PLEKHG1: variants seen among roughly 807,000 people sequenced by gnomAD.
PLEKHG1 encodes the protein pleckstrin homology domain-containing family G member 1.
PLEKHG1 carries 44 observed loss-of-function variants against 100.8 expected under a neutral mutation model. That is an observed-to-expected ratio of 0.44 (90% CI 0.34 to 0.56). The LOEUF (loss-of-function observed/expected upper bound fraction) is 0.56. PLEKHG1 is among the 20% of genes least tolerant of loss of function. PLEKHG1 has a pLI of 0.01. For synonymous variants in PLEKHG1, 640 were observed against 662.5 expected (o/e 0.97, Z 0.52); for missense variants, 1,545 against 1,720.9 (o/e 0.90, Z 1.81).
At chr6:150,728,582 TAAAAATA>T (rs1351266903) in intron 1 of PLEKHG1, among the ~76,000 whole-genome samples, 2 of 149,862 alleles carry the variant, frequency 1.3e-5, no homozygotes, top group Non-Finnish European at 3.0e-5. Context: ...TTTCAAAAAA[TAAAAATA>T]AGAATAAATT....
intron 3 of PLEKHG1, 116 bp from the exon 5 acceptor site, chr6:150,786,274 C>G: frequency 5.7e-6 from 4 of 696,096 alleles, no homozygotes; most frequent in East Asian, 5.5e-5. Flanking sequence ...CCTCAGTTAT[C>G]CAATTATATG....
intron 5 of PLEKHG1, among the ~76,000 whole-genome samples, chr6:150,797,776 A>T (rs1208263704): frequency 7.6e-6 from 1 of 131,284 alleles, no homozygotes; most frequent in Non-Finnish European, 1.6e-5. Flanking sequence ...CGGAGGTTGC[A>T]GTGAACTGAG....
intron 14 of PLEKHG1, chr6:150,828,197 T>G (rs1776721167): frequency 1.2e-6 from 2 of 1,613,804 alleles, no homozygotes; most frequent in South Asian, 2.2e-5. Flanking sequence ...AGGCTCAGTT[T>G]ATTGGTCCTC....
At chr6:150,769,899 T>C (rs1459606741) in intron 3 of PLEKHG1, among the ~76,000 whole-genome samples, 1 of 152,224 alleles carries the variant, frequency 6.6e-6, no homozygotes, top group Non-Finnish European at 1.5e-5. Context: ...TGCCTGTTGT[T>C]CCTTTCCTCT....
At chr6:150,739,064 G>T (rs1237779102) in intron 2 of PLEKHG1, among the ~76,000 whole-genome samples, 2 of 152,126 alleles carry the variant, frequency 1.3e-5, no homozygotes, top group African/African-American at 4.8e-5. Context: ...ATCTATAAAA[G>T]AGCTTTTGAG....
intron 4 of PLEKHG1, among the ~76,000 whole-genome samples, chr6:150,790,646 C>T (rs1230371471): frequency 6.6e-6 from 1 of 152,180 alleles, no homozygotes; most frequent in Non-Finnish European, 1.5e-5. Context: ...AGACTAGAAA[C>T]AGCCAAATGT....
chr6:150,824,983 A>C (rs576720369), intron 14 of PLEKHG1, among the ~76,000 whole-genome samples: 1 of 152,226 alleles, frequency 6.6e-6, no homozygotes, highest in Non-Finnish European at 1.5e-5. Flanking sequence ...AAGTGGGGTC[A>C]CTGCAGAGGG....
At chr6:150,826,948 C>T (rs1418356584) in intron 14 of PLEKHG1, among the ~76,000 whole-genome samples, 1 of 150,644 alleles carries the variant, frequency 6.6e-6, no homozygotes, top group Non-Finnish European at 1.5e-5. Context: ...CTGATTCTCT[C>T]TCTATCTTTC....
intron 2 of PLEKHG1, among the ~76,000 whole-genome samples, chr6:150,649,592 C>A (rs367971308): frequency 9.9e-5 from 15 of 152,174 alleles, no homozygotes; most frequent in Non-Finnish European, 2.2e-4. Flanking sequence ...AAAACAGTGA[C>A]CAGGCTGGAC....
At chr6:150,630,040 C>G (rs1386610809) in intron 1 of PLEKHG1, among the ~76,000 whole-genome samples, 1 of 152,160 alleles carries the variant, frequency 6.6e-6, no homozygotes. Flanking sequence ...TAGACTATTT[C>G]ACAGGGGATT....
intron 3 of PLEKHG1, among the ~76,000 whole-genome samples, chr6:150,670,285 A>G (rs1338973378): frequency 6.6e-6 from 1 of 152,188 alleles, no homozygotes; most frequent in Non-Finnish European, 1.5e-5. Flanking sequence ...ATAGCCTTCC[A>G]CTGACCTTTA....
chr6:150,775,748 A>G (rs1192366364), intron 3 of PLEKHG1, among the ~76,000 whole-genome samples: 1 of 152,228 alleles, frequency 6.6e-6, no homozygotes, highest in Non-Finnish European at 1.5e-5. Flanking sequence ...TGGGATTCGT[A>G]CAACAGCAAG....
chr6:150,674,621 T>TCCC (rs370204698), intron 3 of PLEKHG1, among the ~76,000 whole-genome samples: 8,052 of 127,966 alleles, frequency 0.063, 480 homozygotes, highest in Admixed American at 0.09. Context: ...TGTAACTTTC[T>TCCC]CTCTCTCCTC....
chr6:150,602,069 C>T (rs62432653), intron 1 of PLEKHG1, among the ~76,000 whole-genome samples: 11,438 of 152,176 alleles, frequency 0.075, 553 homozygotes, highest in Non-Finnish European at 0.1. Context: ...TCCCCCTTTG[C>T]GGATATGATT....
chr6:150,832,079 G>A (rs757498819), exon 15 of PLEKHG1: 3 of 1,614,150 alleles, frequency 1.9e-6, no homozygotes, highest in Middle Eastern at 1.6e-4. Flanking sequence ...GATTAAGAAG[G>A]CGAATCAACT....
At chr6:150,809,799 G>T (rs1787380436) in intron 10 of PLEKHG1, 65 bp downstream of exon 11, 10 of 1,248,000 alleles carry the variant, frequency 8.0e-6, no homozygotes, top group Non-Finnish European at 1.0e-5. Flanking sequence ...AACCTGGGAG[G>T]TGGAGGTTAC....
At chr6:150,715,883 C>T (rs1214325679) in intron 3 of PLEKHG1, among the ~76,000 whole-genome samples, 3 of 147,198 alleles carry the variant, frequency 2.0e-5, no homozygotes, top group East Asian at 2.0e-4. Context: ...CAGAGGCGGG[C>T]GGATCACGAG....
At chr6:150,611,936 G>C (rs1311972470) in intron 1 of PLEKHG1, among the ~76,000 whole-genome samples, 5 of 152,084 alleles carry the variant, frequency 3.3e-5, no homozygotes, top group Non-Finnish European at 7.4e-5. Context: ...CTCTGAAATG[G>C]GGTTGGGGAT....
chr6:150,814,904 G>A (rs992908462), intron 10 of PLEKHG1, among the ~76,000 whole-genome samples: 3 of 152,120 alleles, frequency 2.0e-5, no homozygotes, highest in African/African-American at 7.2e-5. Context: ...ATTTTTAGTA[G>A]AGATGAGGTT....
Sources: gnomAD v4.1 joint callset for allele counts (sites outside exome capture counted in the v4.1 genomes callset) on GRCh38, gnomAD v4.1.1 for gene constraint, MANE v1.5 for transcripts, NCBI Gene and HGNC (gene_info 2026-07-23, HGNC 2026-07-21) for gene names.